Variants in KLHL5 observed in about 807,000 individuals in gnomAD.
KLHL5 encodes the protein kelch like family member 5.
KLHL5 carries 48 observed loss-of-function variants against 77.7 expected under a neutral mutation model. That is an observed-to-expected ratio of 0.62 (90% confidence interval 0.49 to 0.79). The LOEUF (loss-of-function observed/expected upper bound fraction) is 0.79, where lower values mean the gene tolerates loss of function less well. Among genes scored for constraint, KLHL5 ranks in the 30% least tolerant of loss-of-function variants. KLHL5 has a pLI of 0.00. For synonymous variants in KLHL5, 260 were observed against 297.0 expected (o/e 0.88, Z 1.28); for missense variants, 723 against 859.7 (o/e 0.84, Z 1.99).
downstream of KLHL5, among the ~76,000 whole-genome samples, chr4:39,128,711 C>G (rs955593965): frequency 2.6e-5 from 4 of 152,092 alleles, no homozygotes; most frequent in Non-Finnish European, 5.9e-5. Context: ...ACCTGTAATC[C>G]CAGCACTTTG....
intron 2 of KLHL5, among the ~76,000 whole-genome samples, chr4:39,080,364 T>TA (rs1719497755): frequency 6.6e-6 from 1 of 151,658 alleles, no homozygotes; most frequent in South Asian, 2.1e-4. Flanking sequence ...CCATCTCTAC[T>TA]AAAAATAAAA....
intron 1 of KLHL5, among the ~76,000 whole-genome samples, chr4:39,068,464 T>TGTGTGTGA (rs1437812945): frequency 6.6e-6 from 1 of 151,606 alleles, no homozygotes; most frequent in East Asian, 1.9e-4. Flanking sequence ...TGTGTGTGTG[T>TGTGTGTGA]GAAATATTTC....
In KLHL5 at chr4:39,054,593, A is replaced by C. The variant is rs1178843149; in HGVS notation, c.-94-7966A>C. Among the ~76,000 whole-genome samples, 3 of 152,212 alleles carry C rather than the reference A, an allele frequency of 2.0e-5. No homozygotes were observed. The East Asian group carries it at 5.8e-4, about 29-fold the overall frequency. On this transcript the variant is annotated intron_variant, in intron 1 of 11. Transcript: ENST00000261425. ...ATTACTGAAGAGAGAACTGAAGACA[A>C]AGGAGGTGAAGTGATTTGCCCAAAT...
At chr4:39,134,062 C>T in the KLHL5 span, 1 of 151,916 alleles carries the variant, frequency 6.6e-6, no homozygotes, top group Non-Finnish European at 1.5e-5. Flanking sequence ...CAAGGTAAAG[C>T]TTCCAATGAT....
At chr4:39,133,746 TATAGTCAG>T in the KLHL5 span, among the ~76,000 whole-genome samples, 4 of 152,162 alleles carry the variant, frequency 2.6e-5, no homozygotes, top group African/African-American at 4.8e-5. Flanking sequence ...ACTATAGCTC[TATAGTCAG>T]CAAACTACAG....
chr4:39,072,443 C>T (rs542527599), intron 1 of KLHL5, among the ~76,000 whole-genome samples: 3 of 152,186 alleles, frequency 2.0e-5, no homozygotes, highest in South Asian at 2.1e-4. Flanking sequence ...AGAGTTGAAC[C>T]GAGGTCTATA....
At chr4:39,102,685 C>G (rs1721691728) in intron 6 of KLHL5, among the ~76,000 whole-genome samples, 1 of 152,130 alleles carries the variant, frequency 6.6e-6, no homozygotes, top group Non-Finnish European at 1.5e-5. Flanking sequence ...CACATTTAAG[C>G]AAACTCTGAG....
the KLHL5 span, among the ~76,000 whole-genome samples, chr4:39,139,720 C>G: frequency 6.6e-6 from 1 of 152,214 alleles, no homozygotes; most frequent in African/African-American, 2.4e-5. Flanking sequence ...TTTAAAAAAT[C>G]TTACTTCACA....
At chr4:39,101,918 A>G (rs1462566798) in intron 6 of KLHL5, among the ~76,000 whole-genome samples, 6 of 142,784 alleles carry the variant, frequency 4.2e-5, no homozygotes, top group Non-Finnish European at 9.0e-5. Context: ...ACACATATAT[A>G]TATACATATA....
intron 7 of KLHL5, among the ~76,000 whole-genome samples, chr4:39,104,247 G>T (rs543988218): frequency 3.0e-4 from 45 of 152,192 alleles, no homozygotes; most frequent in South Asian, 8.3e-4. Context: ...AAACCAGAGG[G>T]TTAAGGCAAA....
intron 4 of KLHL5, 71 bp downstream of exon 4, chr4:39,082,230 C>A: frequency 8.2e-7 from 1 of 1,224,646 alleles, no homozygotes; most frequent in Non-Finnish European, 1.1e-6. Flanking sequence ...GGCTTATCTG[C>A]ATGTTACTGT....
chr4:39,067,437 A>G (rs1023780339), intron 1 of KLHL5, among the ~76,000 whole-genome samples: 1 of 102,150 alleles, frequency 9.8e-6, no homozygotes, highest in Non-Finnish European at 2.0e-5. Flanking sequence ...TCACTTGGAA[A>G]TGGTTGCATT....
At chr4:39,070,350 T>C (rs775270369) in intron 1 of KLHL5, among the ~76,000 whole-genome samples, 3 of 152,200 alleles carry the variant, frequency 2.0e-5, no homozygotes, top group South Asian at 2.1e-4. Context: ...CCATTAAATA[T>C]TCTATATCTT....
In KLHL5 at chr4:39,121,739, A is replaced by G. The variant is rs1723222843; in HGVS notation, c.*673A>G. 2 of 152,598 alleles carry G rather than the reference A, an allele frequency of 1.3e-5. No individual in the cohort carries two copies. The highest frequency in any genetic ancestry group is 2.9e-5 in the Non-Finnish European group (2 of 68,014). The allele number at this position is 152,598 out of a possible 1,614,324, so 9.5% of individuals were successfully genotyped here. A position where few individuals can be genotyped will look rare whatever the true frequency, so the allele number is the denominator to read the frequency against. On this transcript the variant is annotated 3_prime_UTR_variant, in exon 11 of 11. Transcript: ENST00000504108. Reference sequence around the variant, plus strand: ...TACATCTAGACTCACCAAGAACTACATGTTATGATGTTAAGTTGAAGTTGA... The same window carrying G: ...TACATCTAGACTCACCAAGAACTACGTGTTATGATGTTAAGTTGAAGTTGA...
intron 5 of KLHL5, among the ~76,000 whole-genome samples, chr4:39,094,456 G>C (rs1333835445): frequency 4.0e-5 from 6 of 151,126 alleles, no homozygotes; most frequent in African/African-American, 1.5e-4. Context: ...ATAAATTTAA[G>C]TTCTTATTAG....
chr4:39,101,146 A>ATATATATATATC (rs1238965685), intron 6 of KLHL5, among the ~76,000 whole-genome samples: 5 of 145,310 alleles, frequency 3.4e-5, no homozygotes, highest in Admixed American at 6.8e-5. Context: ...ATATATATAT[A>ATATATATATATC]TCTACCTGAG....
At position 39,082,039 on chromosome 4, in the gene KLHL5, A is replaced by G. The variant is rs760652994; in HGVS notation, c.780A>G (p.Val260=). 4 of 1,613,950 alleles carry G rather than the reference A, an allele frequency of 2.5e-6. No individual in the cohort carries two copies. In the Admixed American group the frequency reaches 6.7e-5, roughly 27 times the overall value. The part of the protein sequence containing the change: ...TACLLQLSQV[V]EACCKFLMKQ... The stretch of plus-strand genomic sequence containing the variant: ...GCCTTCTTCAGCTTTCACAGGTTGT[A>G]GAAGCATGCTGTAAGTTTTTAATGA... Residue 260 remains valine (V), a synonymous_variant, in exon 4 of 11, where the codon GTA becomes GTG. Coordinates refer to ENST00000504108, the MANE Select transcript of KLHL5 (RefSeq NM_015990.5).
In KLHL5 at chr4:39,126,103, G is replaced by T. The variant is rs1235331453; in HGVS notation, c.*5037G>T. On this transcript the variant is annotated 3_prime_UTR_variant, in exon 11 of 11. Transcript: ENST00000504108. ...GAACTTCCCCACCGTCCGGTACATG[G>T]CAGGCATTCCACAAATGTTTTCTGA... Among the ~76,000 whole-genome samples, 1 of 152,132 alleles carries T rather than the reference G, an allele frequency of 6.6e-6. No homozygotes were observed. Among genetic ancestry groups the T allele is most frequent in the Non-Finnish European group, 1.5e-5 (1 of 68,018 alleles).
At chr4:39,113,747 A>C (rs1429054409) in intron 9 of KLHL5, among the ~76,000 whole-genome samples, 2 of 152,168 alleles carry the variant, frequency 1.3e-5, no homozygotes, top group Non-Finnish European at 2.9e-5. Flanking sequence ...GAATGGATTT[A>C]GGTGGTACAA....
Sources: gnomAD v4.1 joint callset for allele counts (sites outside exome capture counted in the v4.1 genomes callset) on GRCh38, gnomAD v4.1.1 for gene constraint, MANE v1.5 for transcripts, NCBI Gene and HGNC (gene_info 2026-07-23, HGNC 2026-07-21) for gene names.